The following TULP4 variants were observed in gnomAD, a reference collection of about 807,000 sequenced individuals.
The protein encoded by TULP4 is TUB like protein 4.
A neutral mutation model predicts 129.0 loss-of-function variants in TULP4; 16 were observed. That is an observed-to-expected ratio of 0.12 (90% CI 0.08 to 0.19). The LOEUF (loss-of-function observed/expected upper bound fraction) is 0.19. Ranked by LOEUF, TULP4 falls within the 10% of genes least tolerant of loss-of-function variation. The pLI is 1.00. For missense variants in TULP4, 1,842 were observed against 2,059.1 expected, an observed-to-expected ratio of 0.89 and a Z score of 2.04; for synonymous variants, 998 against 854.0, an observed-to-expected ratio of 1.17 and a Z score of -2.94.
chr6:158,318,946 GTGTTGCCCAGGC>G (rs1446954276), intron 1 of TULP4, among the ~76,000 whole-genome samples: 1 of 143,680 alleles, frequency 7.0e-6, no homozygotes, highest in East Asian at 2.0e-4. Flanking sequence ...GGGTTTTGCT[GTGTTGCCCAGGC>G]TGGTCTCAAA....
chr6:158,271,376 T>C (rs1277619863), intron 1 of TULP4, among the ~76,000 whole-genome samples: 1 of 152,036 alleles, frequency 6.6e-6, no homozygotes, highest in Non-Finnish European at 1.5e-5. Flanking sequence ...AGGAGACATC[T>C]AACTCTCACA....
chr6:158,341,928 G>A (rs1780189698), intron 1 of TULP4, among the ~76,000 whole-genome samples: 1 of 151,976 alleles, frequency 6.6e-6, no homozygotes, highest in African/African-American at 2.4e-5. Flanking sequence ...GTGATTCCCC[G>A]CCGCCTCTGA....
At chr6:158,462,132 G>T (rs1297968906) in intron 6 of TULP4, among the ~76,000 whole-genome samples, 1 of 152,220 alleles carries the variant, frequency 6.6e-6, no homozygotes, top group Non-Finnish European at 1.5e-5. Context: ...TTAATAACTT[G>T]TGTATCTCCT....
At chr6:158,239,687 G>A (rs1349535359) in intron 1 of TULP4, among the ~76,000 whole-genome samples, 1 of 64,958 alleles carries the variant, frequency 1.5e-5, no homozygotes, top group Admixed American at 1.5e-4. Context: ...CGGGCAGAGG[G>A]GCTCCTCACT....
At chr6:158,237,809 T>C in intron 1 of TULP4, 2 of 769,344 alleles carry the variant, frequency 2.6e-6, no homozygotes, top group Non-Finnish European at 4.9e-6. Context: ...AGAGACATAC[T>C]ATCTGATGAT....
chr6:158,393,557 T>C (rs763630032), intron 1 of TULP4, among the ~76,000 whole-genome samples: 1 of 152,244 alleles, frequency 6.6e-6, no homozygotes, highest in Non-Finnish European at 1.5e-5. Flanking sequence ...TTTCCAGACC[T>C]CAACTATTGC....
In TULP4 at chr6:158,503,707, C is replaced by T; in HGVS notation, c.4044C>T (p.Gly1348=). ...GCCTGGACAGCCGAGCAGAAGAAGGCAGCGTTCAGGCCATCACTGAGGGCA... is the reference window on the plus strand; with the variant it reads ...GCCTGGACAGCCGAGCAGAAGAAGGTAGCGTTCAGGCCATCACTGAGGGCA... ...RKRLDSRAEE[G]SVQAITEGKV... is the part of the protein sequence containing the mutation. The change falls in exon 13 of 14, where the codon GGC becomes GGT. Residue 1348 remains glycine, a synonymous_variant. Transcript: ENST00000367097. The surrounding 1 kb of genome is among the most constrained non-coding windows in gnomAD (Gnocchi z 4.3). The T allele has an allele frequency of 6.2e-7, 1 of 1,613,984 alleles. No individual in the cohort carries two copies. The highest frequency in any genetic ancestry group is 8.5e-7 in the Non-Finnish European group (1 of 1,180,022).
intron 1 of TULP4, among the ~76,000 whole-genome samples, chr6:158,266,571 A>G (rs1778450518): frequency 6.6e-6 from 1 of 152,154 alleles, no homozygotes; most frequent in Admixed American, 6.5e-5. Context: ...GTACCATTTT[A>G]ACCATTTTAA....
At chr6:158,344,041 C>T (rs1041346175) in intron 1 of TULP4, among the ~76,000 whole-genome samples, 1 of 152,178 alleles carries the variant, frequency 6.6e-6, no homozygotes, top group Admixed American at 6.5e-5. Context: ...CCCACCCTAA[C>T]TGATCAATGT....
chr6:158,256,675 T>G (rs1007926329), intron 1 of TULP4, among the ~76,000 whole-genome samples: 16 of 152,372 alleles, frequency 1.1e-4, no homozygotes, highest in Admixed American at 1.0e-3. Context: ...TACAGCCCAG[T>G]GTAATCAGGC....
At chr6:158,408,124 C>G (rs1778007541) in intron 1 of TULP4, among the ~76,000 whole-genome samples, 1 of 152,298 alleles carries the variant, frequency 6.6e-6, no homozygotes, top group Non-Finnish European at 1.5e-5. Flanking sequence ...AGTTCTCAGT[C>G]TGGTGTGGAA....
At position 158,503,629 on chromosome 6, in the gene TULP4, C is replaced by G. The variant is rs41266335; in HGVS notation, c.3966C>G (p.Thr1322=). The change falls in exon 13 of 14, where the codon ACC becomes ACG. Residue 1322 remains threonine, a synonymous_variant. Transcript: ENST00000367097. The surrounding 1 kb of genome is among the most constrained non-coding windows in gnomAD (Gnocchi z 4.3). ...ADNFQEVLSL[T]ESPVPQRTEK... is the part of the protein sequence containing the mutation. ...ACTTCCAGGAAGTCCTCTCCCTGAC[C>G]GAAAGCCCAGTCCCCCAGCGGACAG... The G allele has an allele frequency of 1.2e-6, 2 of 1,613,906 alleles. No homozygotes were observed. Among genetic ancestry groups the G allele is most frequent in the South Asian group, 2.2e-5 (2 of 91,084 alleles).
chr6:158,464,338 A>C (rs1779508680), intron 6 of TULP4, among the ~76,000 whole-genome samples: 1 of 152,232 alleles, frequency 6.6e-6, no homozygotes, highest in Admixed American at 6.5e-5. Flanking sequence ...CACATGTCAC[A>C]GGTGGATTCA....
chr6:158,316,747 TG>T (rs1779501635), intron 1 of TULP4, among the ~76,000 whole-genome samples: 1 of 152,194 alleles, frequency 6.6e-6, no homozygotes, highest in South Asian at 2.1e-4. Context: ...TCTCCCAGGC[TG>T]GGAAACGTGG....
chr6:158,409,367 TCCTCTG>T (rs1478955838), intron 1 of TULP4, among the ~76,000 whole-genome samples: 4 of 152,214 alleles, frequency 2.6e-5, no homozygotes, highest in African/African-American at 7.2e-5. Flanking sequence ...ACTAACCCTT[TCCTCTG>T]ACTTCTTAGT....
chr6:158,412,845 G>T (rs776817349), intron 1 of TULP4, among the ~76,000 whole-genome samples: 1 of 152,114 alleles, frequency 6.6e-6, no homozygotes, highest in South Asian at 2.1e-4. Flanking sequence ...GGGCATGTTC[G>T]CACTGTCTCT....
At chr6:158,382,887 A>C (rs957408327) in intron 1 of TULP4, among the ~76,000 whole-genome samples, 2 of 152,246 alleles carry the variant, frequency 1.3e-5, no homozygotes, top group African/African-American at 4.8e-5. Context: ...AATTAGAGCA[A>C]TGCCCTTTTC....
chr6:158,273,084 T>G (rs920773100), intron 1 of TULP4, among the ~76,000 whole-genome samples: 1 of 151,990 alleles, frequency 6.6e-6, no homozygotes, highest in Non-Finnish European at 1.5e-5. Context: ...AAGGACAGAG[T>G]TTTTCCCATT....
intron 1 of TULP4, among the ~76,000 whole-genome samples, chr6:158,272,451 G>C (rs1349743916): frequency 6.6e-6 from 1 of 152,150 alleles, no homozygotes; most frequent in East Asian, 1.9e-4. Context: ...ATCTGGCAGT[G>C]AGTGCTGTGG....
Sources: allele counts gnomAD v4.1 joint callset (sites outside exome capture counted in the v4.1 genomes callset), GRCh38; gene constraint gnomAD v4.1.1; non-coding constraint Gnocchi (gnomAD v3.1); transcripts MANE v1.5; gene names NCBI Gene and HGNC (gene_info 2026-07-23, HGNC 2026-07-21).